LINGO1: variants seen among roughly 807,000 people sequenced by gnomAD.
LINGO1 encodes leucine-rich repeat and immunoglobulin-like domain-containing nogo receptor-interacting protein 1.
A neutral mutation model predicts 37.3 loss-of-function variants in LINGO1; 11 were observed. That is an observed-to-expected ratio of 0.29 (90% CI 0.19 to 0.49). LINGO1 has a LOEUF of 0.49. LINGO1 is among the 20% of genes least tolerant of loss of function. LINGO1 has a pLI of 0.99. For synonymous variants in LINGO1, 387 were observed against 403.0 expected (o/e 0.96, Z 0.48); for missense variants, 585 against 878.2 (o/e 0.67, Z 4.22).
intron 1 of LINGO1, among the ~76,000 whole-genome samples, chr15:77,736,081 G>C (rs997013673): frequency 6.6e-5 from 10 of 152,190 alleles, no homozygotes; most frequent in Non-Finnish European, 1.5e-4. Flanking sequence ...AAATACAGTA[G>C]TCTGTAGAGT....
intron 1 of LINGO1, among the ~76,000 whole-genome samples, chr15:77,772,080 C>T (rs1045083101): frequency 3.3e-5 from 5 of 152,242 alleles, no homozygotes; most frequent in African/African-American, 9.6e-5. Context: ...AAATAGTACC[C>T]TCCATACAGA....
chr15:77,621,647 A>G (rs1415886942), intron 1 of LINGO1, among the ~76,000 whole-genome samples: 1 of 152,098 alleles, frequency 6.6e-6, no homozygotes, highest in Non-Finnish European at 1.5e-5. Flanking sequence ...GTCCTCAGAG[A>G]GCTACACCCA....
intron 1 of LINGO1, among the ~76,000 whole-genome samples, chr15:77,778,387 C>T (rs1394214554): frequency 6.6e-6 from 1 of 152,202 alleles, no homozygotes; most frequent in African/African-American, 2.4e-5. Context: ...TCCAGGGTTG[C>T]GGGCCTGGAT....
intron 3 of LINGO1, among the ~76,000 whole-genome samples, chr15:77,672,719 C>T (rs1447214331): frequency 6.6e-6 from 1 of 152,206 alleles, no homozygotes; most frequent in African/African-American, 2.4e-5. Flanking sequence ...AGAACGCCGA[C>T]CCTGAAGAAT....
At chr15:77,750,202 C>A (rs904499607) in intron 1 of LINGO1, among the ~76,000 whole-genome samples, 7 of 152,096 alleles carry the variant, frequency 4.6e-5, no homozygotes, top group Non-Finnish European at 8.8e-5. Flanking sequence ...CTGAGCTGGG[C>A]CCACCCCAGG....
chr15:77,703,606 G>A (rs1350170711), intron 2 of LINGO1, among the ~76,000 whole-genome samples: 3 of 152,134 alleles, frequency 2.0e-5, no homozygotes, highest in Non-Finnish European at 4.4e-5. Flanking sequence ...GTGATGTCAG[G>A]GATGCTGGGA....
chr15:77,614,545 G>A lies in LINGO1; in HGVS notation c.1362C>T (p.Pro454=), dbSNP rs529567301. 101 of 1,610,526 alleles carry A rather than the reference G, an allele frequency of 6.3e-5. 1 individual carries two copies. The highest frequency in any genetic ancestry group is 2.7e-4 in the South Asian group (25 of 90,910). The stretch of plus-strand genomic sequence containing the variant: ...TTCGGGGTGAGAGCCAGAGGATGGC[G>A]GGCGGCGGGTCGCCATCGGCCCGGC... ...FVCRADGDPP[P]AILWLSPRKH... Residue 454 remains proline (P), a synonymous_variant, in exon 2 of 2, where the codon CCC becomes CCT. Transcript: ENST00000355300.
At chr15:77,653,708 CA>C (rs995322077) in intron 3 of LINGO1, among the ~76,000 whole-genome samples, 77 of 152,294 alleles carry the variant, frequency 5.1e-4, no homozygotes, top group Non-Finnish European at 3.1e-4. Flanking sequence ...GTCTCTACCC[CA>C]GAAGCAAAAG....
At chr15:77,801,978 G>A (rs2076922811) in intron 1 of LINGO1, among the ~76,000 whole-genome samples, 1 of 152,204 alleles carries the variant, frequency 6.6e-6, no homozygotes. Context: ...TTGGGGCTGA[G>A]GGATAAAGGG....
At chr15:77,813,469 G>A (rs2077022935) in intron 1 of LINGO1, among the ~76,000 whole-genome samples, 2 of 152,146 alleles carry the variant, frequency 1.3e-5, no homozygotes. Flanking sequence ...AACAGGGAGT[G>A]CTGGGAGGGT....
chr15:77,742,507 G>T (rs2076274389), intron 1 of LINGO1, among the ~76,000 whole-genome samples: 1 of 152,228 alleles, frequency 6.6e-6, no homozygotes, highest in Admixed American at 6.5e-5. Flanking sequence ...AAGGCACACA[G>T]CCAGCACCTG....
At chr15:77,671,588 G>T (rs974312770) in intron 3 of LINGO1, among the ~76,000 whole-genome samples, 1 of 152,186 alleles carries the variant, frequency 6.6e-6, no homozygotes, top group South Asian at 2.1e-4. Flanking sequence ...CTTTAGACCA[G>T]CGGTCCGGTC....
intron 1 of LINGO1, among the ~76,000 whole-genome samples, chr15:77,741,711 C>G (rs2076266497): frequency 6.6e-6 from 1 of 152,216 alleles, no homozygotes; most frequent in Non-Finnish European, 1.5e-5. Flanking sequence ...AGTGCAGTCC[C>G]CTGAGGCTGC....
intron 2 of LINGO1, among the ~76,000 whole-genome samples, chr15:77,731,028 G>A (rs1257940627): frequency 1.3e-5 from 2 of 152,206 alleles, no homozygotes; most frequent in Non-Finnish European, 1.5e-5. Flanking sequence ...CTGCCCCTGT[G>A]GCCTTGGATA....
chr15:77,797,233 T>C (rs1191362246), intron 1 of LINGO1, among the ~76,000 whole-genome samples: 1 of 152,190 alleles, frequency 6.6e-6, no homozygotes, highest in Non-Finnish European at 1.5e-5. Context: ...TGTACCTCAG[T>C]TTCTTCAACC....
At chr15:77,800,545 G>A (rs942550199) in intron 1 of LINGO1, among the ~76,000 whole-genome samples, 1 of 152,192 alleles carries the variant, frequency 6.6e-6, no homozygotes, top group Admixed American at 6.5e-5. Flanking sequence ...TGCAGCTGCC[G>A]AGAGGAACAG....
chr15:77,767,309 AATTCTGGGGGAAAAAAG>A (rs1193347285), intron 1 of LINGO1, among the ~76,000 whole-genome samples: 1 of 152,210 alleles, frequency 6.6e-6, no homozygotes, highest in East Asian at 1.9e-4. Context: ...GCTCCTTTAA[AATTCTGGGGGAAAAAAG>A]ATCTCCATTC....
intron 3 of LINGO1, among the ~76,000 whole-genome samples, chr15:77,649,777 C>G (rs1056605196): frequency 4.6e-5 from 7 of 152,144 alleles, no homozygotes; most frequent in Non-Finnish European, 8.8e-5. Context: ...GCCTGCCCCC[C>G]CGAGTGCAGC....
intron 2 of LINGO1, among the ~76,000 whole-genome samples, chr15:77,794,833 G>C (rs2076860083): frequency 6.6e-6 from 1 of 151,836 alleles, no homozygotes; most frequent in African/African-American, 2.4e-5. Flanking sequence ...CTTGTGATCT[G>C]CCCACCTCGG....
Sources: allele counts gnomAD v4.1 joint callset (sites outside exome capture counted in the v4.1 genomes callset), GRCh38; gene constraint gnomAD v4.1.1; transcripts MANE v1.5; gene names NCBI Gene and HGNC (gene_info 2026-07-23, HGNC 2026-07-21).